The following TMCO6 variants were observed in gnomAD, a reference collection of about 807,000 sequenced individuals.
TMCO6 encodes transmembrane and coiled-coil domains 6, also known as transmembrane and coiled-coil domain-containing protein 6.
In TMCO6, 47 loss-of-function variants were observed where a neutral mutation model predicts 61.8. The observed-to-expected ratio is 0.76, with a 90% CI of 0.60 to 0.97. TMCO6 has a LOEUF of 0.97. Among genes scored for constraint, TMCO6 ranks in the 50% least tolerant of loss-of-function variants. TMCO6 has a pLI of 0.00. For missense variants in TMCO6, 557 were observed against 601.6 expected (o/e 0.93, Z 0.78); for synonymous variants, 261 against 254.2 (o/e 1.03, Z -0.25).
At chr5:140,613,386 T>TAAAAAAAAAA in the TMCO6 span, among the ~76,000 whole-genome samples, 180 of 87,438 alleles carry the variant, frequency 2.1e-3, 12 homozygotes, top group African/African-American at 9.1e-3. Flanking sequence ...AGACTCTGAC[T>TAAAAAAAAAA]AAAAAAAAAA....
chr5:140,632,065 TGCAGCTGAGATCGA>T, the TMCO6 span: 2 of 1,614,204 alleles, frequency 1.2e-6, no homozygotes, highest in Non-Finnish European at 8.5e-7. The surrounding 1 kb of genome is among the most constrained non-coding windows in gnomAD (Gnocchi z 6.2). Context: ...TTCAGTCTGT[TGCAGCTGAGATCGA>T]GCACTCTGAG....
At position 140,642,255 on chromosome 5, in the gene TMCO6, C is replaced by A. The variant is rs1757085826; in HGVS notation, c.499-60C>A. On this transcript the variant is annotated intron_variant, in intron 4 of 11. Coordinates refer to ENST00000394671, the MANE Select transcript of TMCO6 (RefSeq NM_018502.5). ...TCCCCATCACCTCCCCTCCCCATCT[C>A]CCCACACGCAGCCTGGCATGAAACA... The A allele has an allele frequency of 6.0e-6, 9 of 1,498,536 alleles. No homozygotes were observed. The South Asian group carries it at 1.0e-4, about 17-fold the overall frequency. 92.8% of individuals were successfully genotyped at this position (1,498,536 alleles called of 1,614,324 possible).
At chr5:140,633,215 G>T in the TMCO6 span, 1 of 1,030,756 alleles carries the variant, frequency 9.7e-7, no homozygotes, top group Non-Finnish European at 1.5e-6. Context: ...GTAATCCTGG[G>T]ATGTCATTCA....
the TMCO6 span, among the ~76,000 whole-genome samples, chr5:140,624,508 T>C: frequency 6.6e-6 from 1 of 152,070 alleles, no homozygotes; most frequent in African/African-American, 2.4e-5. Flanking sequence ...CCATTAGAGG[T>C]CATTCCCCTT....
the TMCO6 span, among the ~76,000 whole-genome samples, chr5:140,618,199 G>A: frequency 6.6e-6 from 1 of 152,206 alleles, no homozygotes; most frequent in Non-Finnish European, 1.5e-5. Flanking sequence ...GGAGGCTGAG[G>A]TGGATGGATC....
downstream of TMCO6, chr5:140,647,182 CT>C: frequency 1.0e-5 from 15 of 1,464,252 alleles, no homozygotes; most frequent in Non-Finnish European, 1.4e-5. Flanking sequence ...TCTGCACGAC[CT>C]TGGGCGGTCC....
chr5:140,632,587 G>T, the TMCO6 span: 1 of 1,614,046 alleles, frequency 6.2e-7, no homozygotes, highest in Non-Finnish European at 8.5e-7. The surrounding 1 kb of genome is among the most constrained non-coding windows in gnomAD (Gnocchi z 6.2). Context: ...GGCAGCGGAG[G>T]CATGGTGCCG....
chr5:140,642,130 G>C, intron 4 of TMCO6, 77 bp downstream of exon 4: 2 of 1,540,466 alleles, frequency 1.3e-6, no homozygotes, highest in Non-Finnish European at 1.8e-6. Context: ...TGAGCTGGCA[G>C]GTAGGAGGAA....
the TMCO6 span, among the ~76,000 whole-genome samples, chr5:140,624,578 T>C: frequency 6.6e-6 from 1 of 152,120 alleles, no homozygotes; most frequent in Non-Finnish European, 1.5e-5. Context: ...TCATTTCTTT[T>C]TTTATTTTTA....
the TMCO6 span, among the ~76,000 whole-genome samples, chr5:140,616,940 G>A: frequency 6.6e-5 from 10 of 152,042 alleles, no homozygotes; most frequent in Admixed American, 6.6e-4. Context: ...CTACTCAGGA[G>A]GCTGAGACAG....
the TMCO6 span, among the ~76,000 whole-genome samples, chr5:140,616,169 A>T: frequency 6.7e-6 from 1 of 149,196 alleles, no homozygotes; most frequent in Non-Finnish European, 1.5e-5. Flanking sequence ...GCATAGTGAA[A>T]AAAAGCTTCA....
the TMCO6 span, among the ~76,000 whole-genome samples, chr5:140,622,165 C>T: frequency 3.3e-5 from 5 of 152,298 alleles, no homozygotes; most frequent in Admixed American, 2.0e-4. Flanking sequence ...TGGGGCATCA[C>T]GGAACCTACC....
At chr5:140,639,433 GC>G, upstream of TMCO6, 1 of 1,319,072 alleles carries the variant, frequency 7.6e-7, no homozygotes, top group South Asian at 1.3e-5. Flanking sequence ...GCCTGTTCCC[GC>G]CCTGTGCTGA....
At chr5:140,621,765 C>G in the TMCO6 span, among the ~76,000 whole-genome samples, 1 of 152,146 alleles carries the variant, frequency 6.6e-6, no homozygotes, top group African/African-American at 2.4e-5. Context: ...AGAGAATGCA[C>G]ACCTGGGGGT....
At chr5:140,632,386 C>G in the TMCO6 span, 1 of 1,614,198 alleles carries the variant, frequency 6.2e-7, no homozygotes. This position sits in a 1 kb window ranked among gnomAD's most constrained non-coding sequence, Gnocchi z 6.2. Flanking sequence ...TCAGACAGGT[C>G]TAGGCTGGTA....
chr5:140,596,572 T>C, the TMCO6 span, among the ~76,000 whole-genome samples: 4 of 152,222 alleles, frequency 2.6e-5, no homozygotes, highest in African/African-American at 9.6e-5. Context: ...CCCAGTTCTC[T>C]CTTTTTTGCT....
chr5:140,616,950 G>C, the TMCO6 span, among the ~76,000 whole-genome samples: 1 of 152,230 alleles, frequency 6.6e-6, no homozygotes, highest in Admixed American at 6.5e-5. Flanking sequence ...GGCTGAGACA[G>C]GAGGATCACT....
At chr5:140,613,097 G>T in the TMCO6 span, among the ~76,000 whole-genome samples, 1 of 152,052 alleles carries the variant, frequency 6.6e-6, no homozygotes, top group Admixed American at 6.6e-5. Flanking sequence ...GGATAGAAAT[G>T]ATGCCAGGAG....
At position 140,639,809 on chromosome 5, in the gene TMCO6, A is replaced by G; in HGVS notation, c.156A>G (p.Glu52=). ...KRLLRNDAPE[E]AGEGCVAAIL... ...TGCTGAGAAACGACGCCCCAGAGGA[A>G]GCTGGAGAGGGATGTGTGGCTGCGA... is the stretch of plus-strand genomic sequence containing the variant. Residue 52 remains glutamate, a synonymous_variant, in exon 2 of 12, where the codon GAA becomes GAG. Transcript: ENST00000394671. 3.1e-6 allele frequency: 5 copies of G among 1,610,110 alleles called. No individual in the cohort carries two copies. Among genetic ancestry groups the G allele is most frequent in the Non-Finnish European group, 4.2e-6 (5 of 1,178,770 alleles).
Sources: allele counts gnomAD v4.1 joint callset (sites outside exome capture counted in the v4.1 genomes callset), GRCh38; gene constraint gnomAD v4.1.1; non-coding constraint Gnocchi (gnomAD v3.1); transcripts MANE v1.5; gene names NCBI Gene and HGNC (gene_info 2026-07-23, HGNC 2026-07-21).